The following FARSB variants were observed in gnomAD, a reference collection of about 807,000 sequenced individuals.
The protein encoded by FARSB is phenylalanyl-tRNA synthetase subunit beta, also known as phenylalanine--tRNA ligase beta subunit.
In FARSB, 40 loss-of-function variants were observed where a neutral mutation model predicts 69.6. That is an observed-to-expected ratio of 0.57 (90% confidence interval 0.45 to 0.75). The LOEUF is 0.75. Ranked by LOEUF, FARSB falls within the 30% of genes least tolerant of loss-of-function variation. The probability of loss-of-function intolerance (pLI) is 0.00; values close to 1 mark genes in which losing one functional copy is unlikely to be tolerated. For synonymous variants in FARSB, 235 were observed against 247.2 expected, an observed-to-expected ratio of 0.95 and a Z score of 0.46; for missense variants, 632 against 722.9, an observed-to-expected ratio of 0.87 and a Z score of 1.44.
Position 222,648,799 on chromosome 2 carries a change from G to A in FARSB, c.59-4C>T. ...AGTTCATCAAATTCTTCGTCAGCTA[G>A]GAAAATAAAAAAGGAGATGGTTAAT... On this transcript the variant is annotated splice_polypyrimidine_tract_variant and splice_region_variant and intron_variant, in intron 1 of 16. Transcript: ENST00000281828. 3 of 1,596,012 alleles carry A rather than the reference G, an allele frequency of 1.9e-6. No homozygotes were observed. The highest frequency in any genetic ancestry group is 2.6e-6 in the Non-Finnish European group (3 of 1,163,782).
intron 2 of FARSB, among the ~76,000 whole-genome samples, chr2:222,644,891 T>A (rs1180226866): frequency 1.3e-5 from 2 of 151,872 alleles, no homozygotes; most frequent in Non-Finnish European, 2.9e-5. Context: ...TCACCTATTT[T>A]CAAACCACAG....
At position 222,571,614 on chromosome 2, in the gene FARSB, G is replaced by T; in HGVS notation, c.*257C>A. 1 of 359,130 alleles carries T rather than the reference G, an allele frequency of 2.8e-6. No homozygotes were observed. The allele number at this position is 359,130 out of a possible 1,614,324, so 22.2% of individuals were successfully genotyped here. On this transcript the variant is annotated 3_prime_UTR_variant, in exon 17 of 17. Transcript: ENST00000281828. ...CCTTTCAGAACAGATCCTGCACTCT[G>T]CTAGTGCATTTCTCCAGCACTCCAC...
intron 1 of FARSB, among the ~76,000 whole-genome samples, chr2:222,655,664 C>A (rs1418017109): frequency 6.6e-6 from 1 of 152,258 alleles, no homozygotes; most frequent in Non-Finnish European, 1.5e-5. Flanking sequence ...TGAGTTCCCA[C>A]AGCGCTGCTA....
chr2:222,584,605 G>A (rs966259449), intron 16 of FARSB, among the ~76,000 whole-genome samples: 1 of 152,204 alleles, frequency 6.6e-6, no homozygotes, highest in Non-Finnish European at 1.5e-5. Context: ...GGGATGCCGT[G>A]ACAGACGGTA....
chr2:222,652,277 G>T (rs1297980727), intron 1 of FARSB, among the ~76,000 whole-genome samples: 2 of 152,134 alleles, frequency 1.3e-5, no homozygotes, highest in Admixed American at 6.5e-5. Flanking sequence ...CTTGGGAGGG[G>T]GTGAGTATAT....
intron 16 of FARSB, among the ~76,000 whole-genome samples, chr2:222,591,350 C>A (rs551541214): frequency 6.6e-6 from 1 of 152,160 alleles, no homozygotes; most frequent in Admixed American, 6.5e-5. Flanking sequence ...ATGTCAAAAA[C>A]CTTCAAGCAC....
chr2:222,585,175 CGTTCTACAATATTTGCT>C, intron 16 of FARSB, among the ~76,000 whole-genome samples: 1 of 152,338 alleles, frequency 6.6e-6, no homozygotes, highest in South Asian at 2.1e-4. Flanking sequence ...CAACATTTGC[CGTTCTACAATATTTGCT>C]GTTCTGCAGC....
At position 222,613,870 on chromosome 2, in the gene FARSB, A is replaced by G; in HGVS notation, c.1403T>C (p.Met468Thr). 6.2e-7 allele frequency: 1 copy of G among 1,613,906 alleles called. No individual in the cohort carries two copies. The highest frequency in any genetic ancestry group is 1.1e-5 in the South Asian group (1 of 91,074). ...LLKTIAANRK[M>T]PLPLKLFEIS... ...TTCAAACAGTTTCAGTGGAAGGGGC[A>G]TCTTACGATTTGCTGCTATGGTCTT... The change falls in exon 15 of 17, where the codon ATG becomes ACG. Residue 468 changes from methionine to threonine, a missense_variant. By Grantham distance (81) the Met-to-Thr change is moderately conservative (BLOSUM62 -1). Coordinates refer to ENST00000281828, the MANE Select transcript of FARSB (RefSeq NM_005687.5).
intron 16 of FARSB, among the ~76,000 whole-genome samples, chr2:222,579,086 GGACA>G (rs1459318587): frequency 6.6e-6 from 1 of 152,154 alleles, no homozygotes; most frequent in Admixed American, 6.5e-5. Flanking sequence ...GCCCTTTGTG[GGACA>G]GACAAGTTAC....
chr2:222,619,516 ACC>A, intron 14 of FARSB, 127 bp downstream of exon 14: 1 of 592,970 alleles, frequency 1.7e-6, no homozygotes, highest in East Asian at 2.8e-5. Context: ...CTATAAACTT[ACC>A]CAAGAAGATA....
intron 1 of FARSB, among the ~76,000 whole-genome samples, chr2:222,654,326 CA>C (rs916633764): frequency 2.0e-5 from 3 of 150,534 alleles, no homozygotes; most frequent in African/African-American, 7.3e-5. Flanking sequence ...TTGTTTCATG[CA>C]AAAAAAAATT....
chr2:222,576,525 G>C (rs1176491992), intron 16 of FARSB, among the ~76,000 whole-genome samples: 1 of 152,074 alleles, frequency 6.6e-6, no homozygotes, highest in African/African-American at 2.4e-5. Flanking sequence ...AAATTATATA[G>C]ATATTGTAAG....
chr2:222,650,934 C>T (rs1234000389), intron 1 of FARSB, among the ~76,000 whole-genome samples: 2 of 152,164 alleles, frequency 1.3e-5, no homozygotes, highest in Non-Finnish European at 2.9e-5. Context: ...CAACAGACTA[C>T]TAATACTTTG....
At chr2:222,581,786 G>A (rs891590617) in intron 16 of FARSB, among the ~76,000 whole-genome samples, 1 of 152,154 alleles carries the variant, frequency 6.6e-6, no homozygotes, top group Non-Finnish European at 1.5e-5. Context: ...AAGACAGGTG[G>A]ATCACAGAAA....
intron 6 of FARSB, among the ~76,000 whole-genome samples, 200 bp downstream of exon 6, chr2:222,634,190 GA>G (rs1691514693): frequency 1.3e-5 from 2 of 152,164 alleles, no homozygotes; most frequent in Non-Finnish European, 2.9e-5. Flanking sequence ...AATCATATCA[GA>G]GGTTAAAAAT....
intron 16 of FARSB, among the ~76,000 whole-genome samples, chr2:222,577,534 G>A (rs1689867320): frequency 1.3e-5 from 2 of 152,160 alleles, no homozygotes; most frequent in Non-Finnish European, 1.5e-5. Flanking sequence ...AGCCCATGAC[G>A]CAGCAACATT....
At chr2:222,609,812 T>G (rs1690797208) in intron 15 of FARSB, among the ~76,000 whole-genome samples, 1 of 152,180 alleles carries the variant, frequency 6.6e-6, no homozygotes, top group Non-Finnish European at 1.5e-5. Context: ...AAAATAGGGC[T>G]AGGAGTCTTT....
rs1690517946 is a variant in FARSB, at chr2:222,599,956, C to T, written c.1590G>A (p.Lys530=). 1.1e-5 allele frequency: 18 copies of T among 1,605,232 alleles called. No homozygotes were observed. Among genetic ancestry groups the T allele is most frequent in the Non-Finnish European group, 1.5e-5 (18 of 1,178,026 alleles). Reference sequence around the variant, plus strand: ...CTGATGCTTTGATCACATATCCCCCCTTGTCTTCACCAGGAGGCACATCGA... The same window carrying T: ...CTGATGCTTTGATCACATATCCCCCTTTGTCTTCACCAGGAGGCACATCGA... ...QLLDVPPGED[K]GGYVIKASEG... is the part of the protein sequence containing the mutation. The change falls in exon 16 of 17, where the codon AAG becomes AAA. Residue 530 remains lysine, a synonymous_variant. Coordinates refer to ENST00000281828, the MANE Select transcript of FARSB (RefSeq NM_005687.5).
At chr2:222,651,761 G>C (rs1346683965) in intron 1 of FARSB, among the ~76,000 whole-genome samples, 1 of 152,192 alleles carries the variant, frequency 6.6e-6, no homozygotes, top group Non-Finnish European at 1.5e-5. Flanking sequence ...AGCATTGCCA[G>C]CTAGAATTGA....
Sources: gnomAD v4.1 joint callset for allele counts (sites outside exome capture counted in the v4.1 genomes callset) on GRCh38, gnomAD v4.1.1 for gene constraint, MANE v1.5 for transcripts, NCBI Gene and HGNC (gene_info 2026-07-23, HGNC 2026-07-21) for gene names.